ACACA: variants seen among roughly 807,000 people sequenced by gnomAD.
The protein encoded by ACACA is acetyl-CoA carboxylase alpha.
A neutral mutation model predicts 296.1 loss-of-function variants in ACACA; 103 were observed. The ratio of observed to expected loss-of-function variants is 0.35; its 90% CI spans 0.30 to 0.41. ACACA has a LOEUF of 0.41. Among genes scored for constraint, ACACA ranks in the 10% least tolerant of loss-of-function variants. The pLI is 1.00. For missense variants in ACACA, 1,554 were observed against 2,989.7 expected (o/e 0.52, Z 11.20); for synonymous variants, 953 against 1,038.6 (o/e 0.92, Z 1.58).
chr17:37,358,507 G>T (rs1568048982), intron 1 of ACACA, among the ~76,000 whole-genome samples: 1 of 152,226 alleles, frequency 6.6e-6, no homozygotes, highest in Non-Finnish European at 1.5e-5. Flanking sequence ...CACGGAGAGA[G>T]CAAGTGAGGT....
At chr17:37,390,251 T>TATA (rs1437595349) in intron 1 of ACACA, among the ~76,000 whole-genome samples, 1,960 of 32,268 alleles carry the variant, frequency 0.061, 91 homozygotes, top group East Asian at 0.34. Flanking sequence ...ATTATATATA[T>TATA]ATTATATATA....
intron 33 of ACACA, among the ~76,000 whole-genome samples, chr17:37,202,005 A>C (rs2078270506): frequency 6.6e-6 from 1 of 152,222 alleles, no homozygotes; most frequent in Non-Finnish European, 1.5e-5. Flanking sequence ...AAATATAAAT[A>C]AATTTTGGTT....
chr17:37,325,578 T>TC, intron 3 of ACACA, among the ~76,000 whole-genome samples: 1 of 136,638 alleles, frequency 7.3e-6, no homozygotes, highest in Non-Finnish European at 1.5e-5. Context: ...TTCTTTTCTT[T>TC]CTTTTTTTTT....
chr17:37,394,592 C>A (rs1305766849), intron 1 of ACACA, among the ~76,000 whole-genome samples: 1 of 151,136 alleles, frequency 6.6e-6, no homozygotes, highest in East Asian at 2.0e-4. Context: ...AAAGTGCATT[C>A]TCGGCCGGGC....
In ACACA at chr17:37,246,969, T is replaced by C. The variant is rs368461078; in HGVS notation, c.2317A>G (p.Ile773Val). ...YMKEEVDRYRITIGNKTCVFE... is the reference protein window; with the variant it reads ...YMKEEVDRYRVTIGNKTCVFE... ...ACACAGGTTTTATTGCCAATTGTGA[T>C]GCGATATCTAGGAGACAAGTGGAAG... The change falls in exon 19 of 56, where the codon ATC (isoleucine) becomes GTC (valine). Residue 773 changes from isoleucine to valine, a missense_variant. Around this residue, in one of 16 missense-constraint regions of ACACA, gnomAD observed 316 missense variants for 540.9 expected, o/e 0.58. Transcript: ENST00000616317. The C allele has an allele frequency of 2.5e-6, 4 of 1,614,090 alleles. No individual in the cohort carries two copies. Among genetic ancestry groups the C allele is most frequent in the Non-Finnish European group, 2.5e-6 (3 of 1,180,014 alleles).
At chr17:37,244,560 T>A (rs1167104705) in intron 21 of ACACA, 28 bp downstream of exon 21, 1 of 1,612,760 alleles carries the variant, frequency 6.2e-7, no homozygotes, top group Admixed American at 1.7e-5. Context: ...CATTTGTACA[T>A]CCCTTCCCCA....
intron 31 of ACACA, 23 bp from the exon 32 acceptor site, chr17:37,206,902 C>A: frequency 1.9e-6 from 3 of 1,584,954 alleles, no homozygotes; most frequent in South Asian, 1.1e-5. Context: ...AGAGAAACAC[C>A]CACCATGAAA....
intron 10 of ACACA, among the ~76,000 whole-genome samples, chr17:37,264,190 C>T (rs1483303413): frequency 1.3e-5 from 2 of 152,074 alleles, no homozygotes; most frequent in South Asian, 2.1e-4. Context: ...TACACAAATC[C>T]AACAACAGGG....
chr17:37,116,011 G>A (rs904830505), intron 50 of ACACA, among the ~76,000 whole-genome samples: 2 of 151,550 alleles, frequency 1.3e-5, no homozygotes, highest in African/African-American at 4.9e-5. Flanking sequence ...GGAGCGGGGC[G>A]CGCCAGGTTC....
chr17:37,222,705 A>C (rs1456212858), intron 28 of ACACA, among the ~76,000 whole-genome samples: 1 of 152,256 alleles, frequency 6.6e-6, no homozygotes, highest in Non-Finnish European at 1.5e-5. Flanking sequence ...ACACTCTACC[A>C]CAGAGTACAA....
intron 1 of ACACA, among the ~76,000 whole-genome samples, chr17:37,399,863 G>A (rs2051220884): frequency 6.6e-6 from 1 of 152,020 alleles, no homozygotes; most frequent in Non-Finnish European, 1.5e-5. Flanking sequence ...TATAAATAAT[G>A]TTCTAAGAAA....
At chr17:37,340,250 T>A (rs1450858285) in intron 1 of ACACA, among the ~76,000 whole-genome samples, 4 of 152,224 alleles carry the variant, frequency 2.6e-5, no homozygotes, top group South Asian at 2.1e-4. Context: ...CGGTTACACC[T>A]ACACACAAAG....
chr17:37,400,491 C>T (rs1292129484), intron 1 of ACACA, among the ~76,000 whole-genome samples: 2 of 151,720 alleles, frequency 1.3e-5, no homozygotes, highest in Non-Finnish European at 2.9e-5. Context: ...TGCTGTCTAA[C>T]TGAAATTTTG....
At chr17:37,362,699 G>A (rs774474542) in intron 1 of ACACA, among the ~76,000 whole-genome samples, 2 of 152,118 alleles carry the variant, frequency 1.3e-5, no homozygotes, top group Non-Finnish European at 2.9e-5. Context: ...CGCCAGGCGC[G>A]GTGGCTCACG....
chr17:37,170,671 C>T (rs780884160), intron 41 of ACACA, among the ~76,000 whole-genome samples: 4 of 152,092 alleles, frequency 2.6e-5, no homozygotes, highest in Non-Finnish European at 5.9e-5. Flanking sequence ...GTTACTATAA[C>T]AGATAGTGAA....
intron 32 of ACACA, among the ~76,000 whole-genome samples, chr17:37,206,582 T>C (rs893969780): frequency 2.6e-5 from 4 of 152,156 alleles, no homozygotes; most frequent in Admixed American, 2.6e-4. Context: ...GACTCCAAAA[T>C]TAATATAGTT....
chr17:37,190,391 CT>C (rs2077704033), intron 38 of ACACA, among the ~76,000 whole-genome samples: 1 of 151,652 alleles, frequency 6.6e-6, no homozygotes, highest in Admixed American at 6.6e-5. Flanking sequence ...GATGGTGCCA[CT>C]GCTTCAGCCT....
At chr17:37,355,031 G>T (rs1050206442) in intron 1 of ACACA, among the ~76,000 whole-genome samples, 2 of 152,032 alleles carry the variant, frequency 1.3e-5, no homozygotes, top group Admixed American at 1.3e-4. Flanking sequence ...CAGATTACCT[G>T]ACGTCAGTTA....
chr17:37,283,889 G>A (rs1236320066), intron 4 of ACACA, among the ~76,000 whole-genome samples: 1 of 152,218 alleles, frequency 6.6e-6, no homozygotes, highest in East Asian at 1.9e-4. Flanking sequence ...CCTTAGAATT[G>A]TAGAGAATGC....
Sources: allele counts gnomAD v4.1 joint callset (sites outside exome capture counted in the v4.1 genomes callset), GRCh38; gene constraint gnomAD v4.1.1; regional missense constraint gnomAD v4.1.1; transcripts MANE v1.5; gene names NCBI Gene and HGNC (gene_info 2026-07-23, HGNC 2026-07-21).